The following SEPTIN2 variants were observed in gnomAD, a reference collection of about 807,000 sequenced individuals.
The protein encoded by SEPTIN2 is septin-2.
A neutral mutation model predicts 46.5 loss-of-function variants in SEPTIN2; 34 were observed. The ratio of observed to expected loss-of-function variants is 0.73; its 90% CI spans 0.56 to 0.97. SEPTIN2 has a LOEUF of 0.97. SEPTIN2 is among the 50% of genes least tolerant of loss of function. SEPTIN2 has a pLI of 0.00. For missense variants in SEPTIN2, 347 were observed against 448.4 expected (o/e 0.77, Z 2.04); for synonymous variants, 175 against 153.4 (o/e 1.14, Z -1.04).
At chr2:241,325,088 CATT>C (rs1339314218) in intron 2 of SEPTIN2, 1 of 150,456 alleles carries the variant, frequency 6.6e-6, no homozygotes, top group African/African-American at 2.5e-5. Context: ...AAAAAAAAGT[CATT>C]ATTTCACCAC....
chr2:241,329,524 A>G (rs2078629437), intron 3 of SEPTIN2, among the ~76,000 whole-genome samples: 1 of 152,248 alleles, frequency 6.6e-6, no homozygotes. Flanking sequence ...AATATATGTT[A>G]GAAATGCTTG....
At position 241,353,730 on chromosome 2, in the gene SEPTIN2, A is replaced by G. The variant is rs1263269857; in HGVS notation, c.*1793A>G. 1 of 153,242 alleles carries G rather than the reference A, an allele frequency of 6.5e-6. No individual in the cohort carries two copies. Among genetic ancestry groups the G allele is most frequent in the African/African-American group, 2.4e-5 (1 of 41,462 alleles). The allele number at this position is 153,242 out of a possible 1,614,324, so 9.5% of individuals were successfully genotyped here. ...AACTTTGCTGGAAAATCTGTAAAAA[A>G]GAAAAACAAGTTTGCTAGTGACTAA... is the stretch of plus-strand genomic sequence containing the variant. On this transcript the variant is annotated 3_prime_UTR_variant, in exon 13 of 13. Transcript: ENST00000391971.
intron 3 of SEPTIN2, among the ~76,000 whole-genome samples, chr2:241,329,514 AAT>A (rs935850349): frequency 6.6e-6 from 1 of 152,172 alleles, no homozygotes; most frequent in Admixed American, 6.5e-5. Flanking sequence ...ACTACAGACT[AAT>A]ATATGTTAGA....
chr2:241,333,401 T>G (rs1288430358), intron 3 of SEPTIN2, among the ~76,000 whole-genome samples: 2 of 152,244 alleles, frequency 1.3e-5, no homozygotes, highest in Non-Finnish European at 2.9e-5. Context: ...GTCAAATTTT[T>G]ACACTCATAT....
intron 3 of SEPTIN2, 128 bp from the exon 4 acceptor site, chr2:241,334,998 G>C (rs577198450): frequency 3.9e-5 from 25 of 647,610 alleles, no homozygotes; most frequent in South Asian, 2.8e-4. Context: ...TAGTAGTACT[G>C]TAGGTACTAA....
chr2:241,348,073 G>C (rs564595525), intron 10 of SEPTIN2, 61 bp from the exon 11 acceptor site: 2 of 1,306,840 alleles, frequency 1.5e-6, no homozygotes, highest in South Asian at 2.5e-5. Context: ...AGAATTTTTT[G>C]GGGGGGTAGC....
At position 241,335,198 on chromosome 2, in the gene SEPTIN2, T is replaced by A; in HGVS notation, c.203T>A (p.Ile68Lys). ...FLTDLYPERV[I>K]PGAAEKIERT... ...ACTGATCTGTACCCAGAAAGAGTCA[T>A]ACCTGGAGCAGCAGGTAAAAACATT... The change falls in exon 4 of 13, where the codon ATA becomes AAA. Residue 68 changes from isoleucine to lysine, a missense_variant. Physicochemically the swap from Ile to Lys is moderately radical, Grantham distance 102 (BLOSUM62 -3). Coordinates refer to ENST00000391971, the MANE Select transcript of SEPTIN2 (RefSeq NM_004404.5). 1 of 1,613,662 alleles carries A rather than the reference T, an allele frequency of 6.2e-7. No individual in the cohort carries two copies. The highest frequency in any genetic ancestry group is 8.5e-7 in the Non-Finnish European group (1 of 1,179,698).
chr2:241,326,664 C>A (rs58771961), intron 3 of SEPTIN2, among the ~76,000 whole-genome samples: 24,214 of 150,918 alleles, frequency 0.16, 2,416 homozygotes, highest in East Asian at 0.4. Flanking sequence ...CCCCACCTTG[C>A]CTCTTCTCAA....
rs776099580 is a variant in SEPTIN2 at position 241,324,257 on chromosome 2, A to C, written c.9+16A>C. 1.2e-6 allele frequency: 2 copies of C among 1,605,144 alleles called. No homozygotes were observed. The highest frequency in any genetic ancestry group is 1.7e-6 in the Non-Finnish European group (2 of 1,174,918). On this transcript the variant is annotated intron_variant, in intron 2 of 12. Coordinates refer to ENST00000391971, the MANE Select transcript of SEPTIN2 (RefSeq NM_004404.5). ...GATGTCTAAGGTAAGATCATACTTCATGTATCTACAGCATAAGGAGAAATT... is the reference window on the plus strand; with the variant it reads ...GATGTCTAAGGTAAGATCATACTTCCTGTATCTACAGCATAAGGAGAAATT...
intron 3 of SEPTIN2, among the ~76,000 whole-genome samples, chr2:241,327,286 C>G (rs946456223): frequency 6.6e-6 from 1 of 151,278 alleles, no homozygotes; most frequent in African/African-American, 2.4e-5. Context: ...AAAGATACAA[C>G]AGAAAACCAA....
At chr2:241,316,256 T>A (rs1208589732) in intron 1 of SEPTIN2, 7 of 370,220 alleles carry the variant, frequency 1.9e-5, no homozygotes, top group Non-Finnish European at 3.4e-5. Flanking sequence ...TTGTTGACCC[T>A]GCGGGAATTC....
intron 2 of SEPTIN2, 105 bp from the exon 3 acceptor site, chr2:241,325,888 T>G: frequency 3.6e-6 from 4 of 1,102,380 alleles, no homozygotes; most frequent in Non-Finnish European, 3.8e-6. Context: ...TTTTAAAAAA[T>G]TTGTGAAAAC....
intron 7 of SEPTIN2, 30 bp downstream of exon 7, chr2:241,337,820 C>G (rs1243902538): frequency 6.8e-7 from 1 of 1,475,336 alleles, no homozygotes; most frequent in African/African-American, 1.4e-5. Context: ...TGCCCTCCCT[C>G]TGGGTGCGAC....
intron 3 of SEPTIN2, among the ~76,000 whole-genome samples, chr2:241,328,749 C>T (rs925380200): frequency 7.1e-6 from 1 of 140,644 alleles, no homozygotes; most frequent in Non-Finnish European, 1.5e-5. Flanking sequence ...TCTCAAAACA[C>T]GGTGGCTCAC....
chr2:241,329,000 A>G (rs1200495373), intron 3 of SEPTIN2, among the ~76,000 whole-genome samples: 1 of 152,112 alleles, frequency 6.6e-6, no homozygotes, highest in Non-Finnish European at 1.5e-5. Flanking sequence ...AGCCTGGGCA[A>G]CAAGAGTGAA....
At chr2:241,337,868 C>A (rs369067780) in intron 7 of SEPTIN2, 78 bp downstream of exon 7, 5 of 989,266 alleles carry the variant, frequency 5.1e-6, no homozygotes, top group South Asian at 1.4e-5. Flanking sequence ...TGTGTTCCCA[C>A]GCTCAGTCTG....
chr2:241,342,968 A>G (rs760423467), intron 7 of SEPTIN2, 24 bp from the exon 8 acceptor site: 1 of 1,363,732 alleles, frequency 7.3e-7, no homozygotes, highest in African/African-American at 1.4e-5. Context: ...GCTAAAATTG[A>G]TCCTGGTTTT....
upstream of SEPTIN2, chr2:241,315,924 G>C (rs1018492050): frequency 2.0e-5 from 3 of 152,112 alleles, no homozygotes; most frequent in African/African-American, 7.2e-5. Flanking sequence ...AGCGGACCGC[G>C]AGCGCTGGGC....
intron 3 of SEPTIN2, among the ~76,000 whole-genome samples, chr2:241,333,809 C>G (rs978776134): frequency 3.3e-5 from 5 of 152,188 alleles, no homozygotes; most frequent in African/African-American, 1.2e-4. Context: ...GGCTGTGCGT[C>G]TGCACATTGC....
Sources: gnomAD v4.1 joint callset for allele counts (sites outside exome capture counted in the v4.1 genomes callset) on GRCh38, gnomAD v4.1.1 for gene constraint, MANE v1.5 for transcripts, NCBI Gene and HGNC (gene_info 2026-07-23, HGNC 2026-07-21) for gene names.